HIBADH: variants seen among roughly 807,000 people sequenced by gnomAD.
The protein encoded by HIBADH is 3-hydroxyisobutyrate dehydrogenase.
In HIBADH, 25 loss-of-function variants were observed where a neutral mutation model predicts 36.1. The ratio of observed to expected loss-of-function variants is 0.69; its 90% CI spans 0.50 to 0.97. The LOEUF (loss-of-function observed/expected upper bound fraction) is 0.97. Ranked by LOEUF, HIBADH falls within the 50% of genes least tolerant of loss-of-function variation. HIBADH has a pLI of 0.00. For synonymous variants in HIBADH, 160 were observed against 149.5 expected (o/e 1.07, Z -0.51); for missense variants, 421 against 418.0 (o/e 1.01, Z -0.06).
intron 4 of HIBADH, among the ~76,000 whole-genome samples, chr7:27,546,857 A>G (rs1423267808): frequency 1.3e-5 from 2 of 152,144 alleles, no homozygotes; most frequent in East Asian, 1.9e-4. Flanking sequence ...GTCCATCCCT[A>G]CTACCACGGT....
chr7:27,649,664 C>A (rs1219870144), intron 1 of HIBADH, 31 bp from the exon 2 acceptor site: 2 of 1,493,940 alleles, frequency 1.3e-6, no homozygotes, highest in Non-Finnish European at 1.8e-6. Context: ...TCAATAGGGG[C>A]AAATAACATT....
At chr7:27,636,066 C>T (rs1283660079) in intron 2 of HIBADH, among the ~76,000 whole-genome samples, 1 of 152,090 alleles carries the variant, frequency 6.6e-6, no homozygotes, top group Non-Finnish European at 1.5e-5. Context: ...TGTTTAATAA[C>T]AAAAAATCTG....
chr7:27,535,460 C>A (rs1784058887), intron 6 of HIBADH, among the ~76,000 whole-genome samples: 10 of 152,264 alleles, frequency 6.6e-5, no homozygotes, highest in Admixed American at 5.9e-4. Flanking sequence ...GAAGACAATA[C>A]AGTGGTTGCT....
intron 4 of HIBADH, among the ~76,000 whole-genome samples, chr7:27,580,455 T>G (rs1302498162): frequency 6.6e-6 from 1 of 152,178 alleles, no homozygotes; most frequent in Non-Finnish European, 1.5e-5. Context: ...ATAAAAATGC[T>G]AGGAAAAGTT....
chr7:27,644,527 G>A (rs756261826), intron 2 of HIBADH, among the ~76,000 whole-genome samples: 67 of 151,504 alleles, frequency 4.4e-4, no homozygotes, highest in Non-Finnish European at 7.8e-4. Flanking sequence ...TTGAACCTGG[G>A]AGGCGGAGGT....
chr7:27,589,914 A>C (rs1188451580), intron 4 of HIBADH, among the ~76,000 whole-genome samples: 2 of 152,186 alleles, frequency 1.3e-5, no homozygotes, highest in Non-Finnish European at 2.9e-5. Flanking sequence ...GCCTCTTCTC[A>C]AAGTTCTAGA....
At chr7:27,587,655 CCT>C (rs1458138861) in intron 4 of HIBADH, among the ~76,000 whole-genome samples, 2 of 152,168 alleles carry the variant, frequency 1.3e-5, no homozygotes, top group Admixed American at 6.5e-5. Context: ...CTGCCTATAC[CCT>C]CTCGCCTTAC....
chr7:27,629,401 C>G lies in HIBADH; in HGVS notation c.454G>C (p.Ala152Pro). 1 of 1,611,956 alleles carries G rather than the reference C, an allele frequency of 6.2e-7. No homozygotes were observed. Among genetic ancestry groups the G allele is most frequent in the East Asian group, 2.2e-5 (1 of 44,700 alleles). The change falls in exon 4 of 8, where the codon GCA (alanine) becomes CCA (proline). Residue 152 changes from alanine to proline, a missense_variant. Physicochemically the swap from Ala to Pro is conservative, Grantham distance 27. Transcript: ENST00000265395. ...ELAKEVEKMGAVFMDAPVSGG... is the reference protein window; with the variant it reads ...ELAKEVEKMGPVFMDAPVSGG... ...GAAACAGGGGCATCCATGAAAACTG[C>G]TCCCATTTTCTCAACTTCTTTGGCC...
chr7:27,565,255 G>A (rs905372534), intron 4 of HIBADH, among the ~76,000 whole-genome samples: 3 of 152,120 alleles, frequency 2.0e-5, no homozygotes, highest in African/African-American at 7.2e-5. Context: ...TCTTTCATGT[G>A]GAAACCACAA....
chr7:27,591,188 A>T (rs1001887046), intron 4 of HIBADH, among the ~76,000 whole-genome samples: 4 of 152,054 alleles, frequency 2.6e-5, no homozygotes, highest in African/African-American at 9.7e-5. Context: ...AATCTCAGAG[A>T]CTCTCCAAGT....
chr7:27,623,028 A>T (rs1044733397), intron 4 of HIBADH, among the ~76,000 whole-genome samples: 1 of 152,178 alleles, frequency 6.6e-6, no homozygotes, highest in Non-Finnish European at 1.5e-5. Flanking sequence ...ATACTAGCAA[A>T]CAGAATCCAG....
intron 4 of HIBADH, among the ~76,000 whole-genome samples, chr7:27,601,488 A>G (rs544941782): frequency 6.6e-6 from 1 of 152,222 alleles, no homozygotes; most frequent in Admixed American, 6.5e-5. Flanking sequence ...CGTGCTAAAA[A>G]AAAGCTTATC....
At chr7:27,640,105 T>G (rs976504410) in intron 2 of HIBADH, among the ~76,000 whole-genome samples, 1 of 152,258 alleles carries the variant, frequency 6.6e-6, no homozygotes, top group African/African-American at 2.4e-5. Context: ...TGTTCCTGAC[T>G]AGCTGCCTCC....
chr7:27,608,819 G>A (rs1785276386), intron 4 of HIBADH, among the ~76,000 whole-genome samples: 1 of 152,150 alleles, frequency 6.6e-6, no homozygotes, highest in African/African-American at 2.4e-5. Context: ...AATTGTGTCT[G>A]ACTTACATCC....
intron 1 of HIBADH, among the ~76,000 whole-genome samples, chr7:27,650,863 G>A (rs978193930): frequency 6.6e-6 from 1 of 152,052 alleles, no homozygotes; most frequent in Admixed American, 6.6e-5. Context: ...TGGAAATAGC[G>A]TTAGATGCAA....
chr7:27,604,273 A>G (rs1391708368), intron 4 of HIBADH, among the ~76,000 whole-genome samples: 1 of 152,188 alleles, frequency 6.6e-6, no homozygotes, highest in Non-Finnish European at 1.5e-5. Flanking sequence ...AAAAACAGTC[A>G]TTGTAGGCAA....
chr7:27,653,927 A>C (rs1338546833), intron 1 of HIBADH, among the ~76,000 whole-genome samples: 2 of 152,226 alleles, frequency 1.3e-5, no homozygotes, highest in Non-Finnish European at 2.9e-5. Context: ...GTGTATACTC[A>C]AAAGTCAAAA....
intron 2 of HIBADH, 132 bp from the exon 3 acceptor site, chr7:27,632,577 G>T: frequency 3.5e-4 from 77 of 219,324 alleles, no homozygotes; most frequent in Middle Eastern, 1.1e-3. Flanking sequence ...GTTTGCAAAT[G>T]ACCAAAAAAA....
intron 4 of HIBADH, among the ~76,000 whole-genome samples, chr7:27,557,979 T>TA (rs1410194369): frequency 1.3e-5 from 2 of 152,360 alleles, no homozygotes; most frequent in South Asian, 2.1e-4. Context: ...CTCATGTGTT[T>TA]ACCTCTTCTT....
Sources: allele counts gnomAD v4.1 joint callset (sites outside exome capture counted in the v4.1 genomes callset), GRCh38; gene constraint gnomAD v4.1.1; transcripts MANE v1.5; gene names NCBI Gene and HGNC (gene_info 2026-07-23, HGNC 2026-07-21).